Variants in ZEB1 observed in about 807,000 individuals in gnomAD.
ZEB1 encodes zinc finger E-box binding homeobox 1, also known as zinc finger E-box-binding homeobox 1.
ZEB1 carries 21 observed loss-of-function variants against 84.9 expected under a neutral mutation model. That is an observed-to-expected ratio of 0.25 (90% confidence interval 0.18 to 0.36). ZEB1 has a LOEUF of 0.36. Among genes scored for constraint, ZEB1 ranks in the 10% least tolerant of loss-of-function variants. ZEB1 has a pLI of 1.00. For missense variants in ZEB1, 1,104 were observed against 1,330.2 expected (o/e 0.83, Z 2.65); for synonymous variants, 420 against 471.1 (o/e 0.89, Z 1.41).
At chr10:31,362,487 G>A (rs889432797) in intron 1 of ZEB1, among the ~76,000 whole-genome samples, 5 of 151,552 alleles carry the variant, frequency 3.3e-5, no homozygotes, top group African/African-American at 1.2e-4. Context: ...AGACAGGGCG[G>A]CGGCCTGGCG....
chr10:31,457,595 C>G (rs924782047), intron 1 of ZEB1, among the ~76,000 whole-genome samples: 1 of 151,958 alleles, frequency 6.6e-6, no homozygotes, highest in African/African-American at 2.4e-5. Context: ...TATATACAAT[C>G]TCTGTGTTTT....
At chr10:31,479,209 A>G (rs1052694181) in intron 2 of ZEB1, among the ~76,000 whole-genome samples, 1 of 151,872 alleles carries the variant, frequency 6.6e-6, no homozygotes, top group African/African-American at 2.4e-5. Context: ...CAGAAGATAT[A>G]ACAGACCAAG....
At chr10:31,426,729 C>T (rs980836295) in intron 1 of ZEB1, among the ~76,000 whole-genome samples, 2 of 152,024 alleles carry the variant, frequency 1.3e-5, no homozygotes, top group Non-Finnish European at 2.9e-5. Flanking sequence ...ATTGATTTAC[C>T]CTCTACCTAA....
intron 1 of ZEB1, among the ~76,000 whole-genome samples, chr10:31,410,976 T>G (rs1371685775): frequency 6.6e-6 from 1 of 152,194 alleles, no homozygotes; most frequent in African/African-American, 2.4e-5. Context: ...TTAAAGGGTT[T>G]TTCGTGTCTC....
At chr10:31,488,565 C>A (rs990948853) in intron 2 of ZEB1, among the ~76,000 whole-genome samples, 19 of 148,086 alleles carry the variant, frequency 1.3e-4, no homozygotes, top group Non-Finnish European at 2.3e-4. Flanking sequence ...TTACTTCTTT[C>A]TGCTTGCTTT....
chr10:31,355,100 G>C (rs2041909304), intron 1 of ZEB1: 1 of 152,114 alleles, frequency 6.6e-6, no homozygotes. Context: ...AAAAAAATGT[G>C]CTTTAAGAGT....
chr10:31,403,453 TCA>T (rs1197031992), intron 1 of ZEB1, among the ~76,000 whole-genome samples: 2 of 151,998 alleles, frequency 1.3e-5, no homozygotes, highest in Non-Finnish European at 2.9e-5. Context: ...TCTCTAATAT[TCA>T]GTTTTCTGGC....
At chr10:31,428,109 C>T (rs1433090563) in intron 1 of ZEB1, among the ~76,000 whole-genome samples, 2 of 151,950 alleles carry the variant, frequency 1.3e-5, no homozygotes, top group Admixed American at 6.6e-5. Context: ...CTTTTGCTAG[C>T]TTTGGGATTT....
chr10:31,366,719 A>C (rs1471089971), intron 1 of ZEB1, among the ~76,000 whole-genome samples: 4 of 152,140 alleles, frequency 2.6e-5, no homozygotes, highest in Non-Finnish European at 5.9e-5. Flanking sequence ...TATCTATAAA[A>C]ATCTTAGTCA....
Position 31,508,823 on chromosome 10 carries a change from G to A in ZEB1, c.485-1850G>A, listed in dbSNP as rs757106475. Among the ~76,000 whole-genome samples, 66 of 152,288 alleles carry A rather than the reference G, an allele frequency of 4.3e-4. 2 individuals carry two copies. The highest frequency in any genetic ancestry group is 1.5e-3 in the Admixed American group (23 of 15,302). On this transcript the variant is annotated intron_variant, in intron 4 of 8. Coordinates refer to ENST00000424869, the MANE Select transcript of ZEB1 (RefSeq NM_001174096.2). ...ATAGGGAGGGAGCTGGGAAATGTGC[G>A]CTTTAGCCCCAGACAGCGGCTGTGG...
rs530280247 is a variant in ZEB1, at chr10:31,373,172, T to C, written c.58+53880T>C. ...GGAGTGACTATCAAAAGGAAGTCAA[T>C]GGTAAGAGTTTTCATTTAAATTGTG... On this transcript the variant is annotated intron_variant, in intron 1 of 8. Transcript: ENST00000424869. 3.0e-6 allele frequency: 3 copies of C among 984,818 alleles called. No homozygotes were observed. In the East Asian group the frequency reaches 3.4e-4, roughly 112 times the overall value. 61.0% of individuals were successfully genotyped at this position (984,818 alleles called of 1,614,324 possible). A position where few individuals can be genotyped will look rare whatever the true frequency, so the allele number is the denominator to read the frequency against.
At chr10:31,481,839 TA>T (rs1485093342) in intron 2 of ZEB1, among the ~76,000 whole-genome samples, 1 of 152,012 alleles carries the variant, frequency 6.6e-6, no homozygotes, top group Non-Finnish European at 1.5e-5. Context: ...TATAAATACT[TA>T]AACACCTGGG....
chr10:31,326,473 A>G (rs2035521936), intron 1 of ZEB1, among the ~76,000 whole-genome samples: 2 of 152,208 alleles, frequency 1.3e-5, no homozygotes, highest in Admixed American at 1.3e-4. Context: ...ATAACTTTAT[A>G]TGAATAAATA....
At chr10:31,501,638 G>T (rs1385292802) in intron 3 of ZEB1, among the ~76,000 whole-genome samples, 1 of 151,966 alleles carries the variant, frequency 6.6e-6, no homozygotes, top group Non-Finnish European at 1.5e-5. Context: ...CCCATTATCT[G>T]TGGGAGATAA....
At chr10:31,327,083 C>G (rs1201318028) in intron 1 of ZEB1, among the ~76,000 whole-genome samples, 2 of 127,334 alleles carry the variant, frequency 1.6e-5, no homozygotes, top group African/African-American at 5.6e-5. Flanking sequence ...CATTTACTTT[C>G]TTTTTCTTTT....
chr10:31,491,910 G>T (rs1576053), intron 2 of ZEB1, among the ~76,000 whole-genome samples: 69 of 152,020 alleles, frequency 4.5e-4, no homozygotes, highest in Non-Finnish European at 7.1e-4. Flanking sequence ...GCAGGAAAAT[G>T]AAACTATCTG....
chr10:31,502,627 CA>C, intron 4 of ZEB1, 118 bp downstream of exon 4: 1 of 1,243,266 alleles, frequency 8.0e-7, no homozygotes, highest in African/African-American at 1.5e-5. Context: ...AACTTTATTA[CA>C]GGTGCCTATA....
chr10:31,335,570 T>A (rs977912691), intron 1 of ZEB1, among the ~76,000 whole-genome samples: 1 of 152,206 alleles, frequency 6.6e-6, no homozygotes, highest in Non-Finnish European at 1.5e-5. Flanking sequence ...GATCCATCTG[T>A]GATAAAACTC....
At chr10:31,399,637 CTT>C (rs1040320422) in intron 1 of ZEB1, among the ~76,000 whole-genome samples, 3 of 152,138 alleles carry the variant, frequency 2.0e-5, no homozygotes. Context: ...TTCCTGTTGA[CTT>C]AACTTCAGTC....
Sources: allele counts gnomAD v4.1 joint callset (sites outside exome capture counted in the v4.1 genomes callset), GRCh38; gene constraint gnomAD v4.1.1; transcripts MANE v1.5; gene names NCBI Gene and HGNC (gene_info 2026-07-23, HGNC 2026-07-21).